RBFOX1: variants seen among roughly 807,000 people sequenced by gnomAD.
RBFOX1 encodes RNA binding protein fox-1 homolog 1.
RBFOX1 carries 8 observed loss-of-function variants against 57.7 expected under a neutral mutation model. That is an observed-to-expected ratio of 0.14 (90% CI 0.08 to 0.25). The LOEUF is 0.25. Among genes scored for constraint, RBFOX1 ranks in the 10% least tolerant of loss-of-function variants. RBFOX1 has a pLI of 1.00. For missense variants in RBFOX1, 611 were observed against 548.5 expected, an observed-to-expected ratio of 1.11 and a Z score of -1.14; for synonymous variants, 326 against 222.4, an observed-to-expected ratio of 1.47 and a Z score of -4.15.
At chr16:7,038,886 C>T (rs1001539259) in intron 3 of RBFOX1, among the ~76,000 whole-genome samples, 11 of 152,156 alleles carry the variant, frequency 7.2e-5, no homozygotes, top group Admixed American at 1.3e-4. Flanking sequence ...CTCATTAAAA[C>T]GTGTAATTTG....
chr16:6,761,115 T>G (rs1472069885), intron 3 of RBFOX1, among the ~76,000 whole-genome samples: 1 of 152,204 alleles, frequency 6.6e-6, no homozygotes, highest in African/African-American at 2.4e-5. Context: ...CAATCACGAC[T>G]GACAATGCCT....
intron 3 of RBFOX1, among the ~76,000 whole-genome samples, chr16:5,621,640 A>G (rs765151237): frequency 2.0e-5 from 3 of 152,178 alleles, no homozygotes; most frequent in Non-Finnish European, 4.4e-5. Flanking sequence ...TTAAACCCCT[A>G]TCAACTCACT....
intron 3 of RBFOX1, among the ~76,000 whole-genome samples, chr16:5,660,315 C>T (rs929973693): frequency 8.5e-5 from 13 of 152,130 alleles, no homozygotes; most frequent in Admixed American, 8.5e-4. Context: ...ACCAGCAGGT[C>T]CTCCTCATTG....
chr16:7,596,350 A>AG (rs1195762548), intron 8 of RBFOX1, among the ~76,000 whole-genome samples: 1 of 151,788 alleles, frequency 6.6e-6, no homozygotes, highest in Non-Finnish European at 1.5e-5. Flanking sequence ...ACATAGCCAC[A>AG]GGGTCATATT....
At chr16:6,677,299 C>T (rs147125723) in intron 3 of RBFOX1, among the ~76,000 whole-genome samples, 4 of 152,166 alleles carry the variant, frequency 2.6e-5, no homozygotes, top group African/African-American at 9.7e-5. Context: ...GTCAACACAT[C>T]TGTCATTCCT....
intron 4 of RBFOX1, among the ~76,000 whole-genome samples, chr16:7,414,348 AAGAAGAT>A (rs1392876386): frequency 6.6e-5 from 10 of 152,232 alleles, no homozygotes; most frequent in Non-Finnish European, 1.3e-4. Context: ...AAAGTAAGGT[AAGAAGAT>A]AGATTGGTGG....
intron 12 of RBFOX1, among the ~76,000 whole-genome samples, chr16:7,660,933 T>C (rs1045534383): frequency 3.3e-5 from 5 of 152,194 alleles, no homozygotes; most frequent in Non-Finnish European, 5.9e-5. Context: ...CCCAACTCTC[T>C]TTCAGTTTCT....
At chr16:5,895,424 C>G (rs559745747) in intron 4 of RBFOX1, among the ~76,000 whole-genome samples, 1 of 152,330 alleles carries the variant, frequency 6.6e-6, no homozygotes, top group African/African-American at 2.4e-5. Context: ...CATGGCTGGA[C>G]TCTCTAGTGA....
intron 3 of RBFOX1, among the ~76,000 whole-genome samples, chr16:6,837,001 T>C (rs1660691951): frequency 1.3e-5 from 2 of 152,204 alleles, no homozygotes; most frequent in South Asian, 4.2e-4. Flanking sequence ...ACATAGCTTC[T>C]CACGGATGAA....
chr16:6,965,882 T>C (rs1482851634), intron 3 of RBFOX1, among the ~76,000 whole-genome samples: 4 of 152,062 alleles, frequency 2.6e-5, no homozygotes, highest in Admixed American at 2.0e-4. Flanking sequence ...GGGATTAAGT[T>C]GTTTGCCCAA....
chr16:5,887,764 C>T (rs1025206740), intron 4 of RBFOX1, among the ~76,000 whole-genome samples: 4 of 152,050 alleles, frequency 2.6e-5, no homozygotes, highest in African/African-American at 9.7e-5. Context: ...ATTGGTTCAC[C>T]CGAGGAGTCA....
At chr16:6,040,546 A>ATCAT (rs1054287117) in intron 1 of RBFOX1, among the ~76,000 whole-genome samples, 9 of 146,776 alleles carry the variant, frequency 6.1e-5, no homozygotes, top group East Asian at 2.1e-4. Flanking sequence ...GTGTGAATTA[A>ATCAT]TCATTCTTTC....
At chr16:7,517,619 C>T (rs1224584687) in intron 4 of RBFOX1, among the ~76,000 whole-genome samples, 2 of 151,926 alleles carry the variant, frequency 1.3e-5, no homozygotes, top group Non-Finnish European at 2.9e-5. Context: ...TAAAAGGATA[C>T]TCCCTATTCC....
chr16:6,323,599 A>G (rs1208581786), intron 2 of RBFOX1, among the ~76,000 whole-genome samples: 1 of 152,066 alleles, frequency 6.6e-6, no homozygotes, highest in East Asian at 1.9e-4. Context: ...CAACCCCCAT[A>G]CCCCCAATCT....
At chr16:6,885,647 T>G (rs914993046) in intron 3 of RBFOX1, among the ~76,000 whole-genome samples, 2 of 152,146 alleles carry the variant, frequency 1.3e-5, no homozygotes, top group African/African-American at 4.8e-5. Context: ...TTATCCTGCC[T>G]TAGCCTCCCT....
chr16:6,328,348 G>A (rs535433486), intron 2 of RBFOX1, among the ~76,000 whole-genome samples: 1 of 152,084 alleles, frequency 6.6e-6, no homozygotes. Context: ...TCGGGTGATG[G>A]GTGCACCAAA....
intron 5 of RBFOX1, among the ~76,000 whole-genome samples, chr16:7,577,893 C>G (rs879832410): frequency 6.6e-6 from 1 of 152,160 alleles, no homozygotes; most frequent in African/African-American, 2.4e-5. Context: ...AGACCCAACT[C>G]CAAGAAAACA....
At chr16:6,759,914 T>A (rs1034431568) in intron 3 of RBFOX1, among the ~76,000 whole-genome samples, 1 of 152,194 alleles carries the variant, frequency 6.6e-6, no homozygotes, top group Non-Finnish European at 1.5e-5. Context: ...AGTGGAATTC[T>A]CATTAGTTTA....
At chr16:5,918,692 T>C (rs544753236) in intron 4 of RBFOX1, among the ~76,000 whole-genome samples, 1 of 152,316 alleles carries the variant, frequency 6.6e-6, no homozygotes, top group South Asian at 2.1e-4. Flanking sequence ...TTAACCAAGA[T>C]GTTACTCCAG....
Sources: allele counts gnomAD v4.1 joint callset (sites outside exome capture counted in the v4.1 genomes callset), GRCh38; gene constraint gnomAD v4.1.1; transcripts MANE v1.5; gene names NCBI Gene and HGNC (gene_info 2026-07-23, HGNC 2026-07-21).